Variants in SGPP2 observed in about 807,000 individuals in gnomAD.
SGPP2 encodes sphingosine 1-phosphate phosphohydrolase 2.
In SGPP2, 30 loss-of-function variants were observed where a neutral mutation model predicts 33.9. The observed-to-expected ratio is 0.89, with a 90% CI of 0.66 to 1.20. The LOEUF (loss-of-function observed/expected upper bound fraction) is 1.20, where lower values mean the gene tolerates loss of function less well. Ranked by LOEUF, SGPP2 falls within the 50% of genes most tolerant of loss-of-function variation. The pLI is 0.00. For synonymous variants in SGPP2, 233 were observed against 225.0 expected (o/e 1.04, Z -0.32); for missense variants, 458 against 532.1 (o/e 0.86, Z 1.37).
At chr2:222,493,311 G>T (rs1283926320) in intron 2 of SGPP2, among the ~76,000 whole-genome samples, 2 of 152,196 alleles carry the variant, frequency 1.3e-5, no homozygotes, top group Non-Finnish European at 2.9e-5. Context: ...TTACAAGGTG[G>T]CAGGTGAGAG....
chr2:222,519,271 A>G (rs952724507), intron 2 of SGPP2, among the ~76,000 whole-genome samples: 6 of 152,144 alleles, frequency 3.9e-5, no homozygotes, highest in Admixed American at 1.3e-4. Context: ...GAAAATAGAG[A>G]TTCTAATTTA....
At chr2:222,510,110 A>G (rs779269418) in intron 2 of SGPP2, among the ~76,000 whole-genome samples, 12 of 152,358 alleles carry the variant, frequency 7.9e-5, no homozygotes, top group Admixed American at 1.3e-4. Context: ...TTATCTGCCT[A>G]TCAGTCGATG....
Position 222,560,409 on chromosome 2 carries a change from T to G in SGPP2, c.*1511T>G, listed in dbSNP as rs1259724126. ...AGGGGAATTAATGCAAGAACAACTT[T>G]AGTGTCTCTTGGGAAAACAAGCCAA... On this transcript the variant is annotated 3_prime_UTR_variant, in exon 5 of 5. Coordinates refer to ENST00000321276, the MANE Select transcript of SGPP2 (RefSeq NM_152386.4). 1 of 152,256 alleles carries G rather than the reference T, an allele frequency of 6.6e-6. No individual in the cohort carries two copies. The highest frequency in any genetic ancestry group is 2.4e-5 in the African/African-American group (1 of 41,472). 9.4% of individuals were successfully genotyped at this position (152,256 alleles called of 1,614,324 possible).
chr2:222,435,069 CAT>C (rs1168705097), intron 1 of SGPP2, among the ~76,000 whole-genome samples: 3 of 37,212 alleles, frequency 8.1e-5, no homozygotes, highest in South Asian at 1.7e-3. Context: ...TACACATATA[CAT>C]ATATATATAC....
Position 222,460,680 on chromosome 2 carries a change from C to G in SGPP2, c.220-13888C>G, listed in dbSNP as rs564464845. The stretch of plus-strand genomic sequence containing the variant: ...CTGGCTTTGGCCTCCACTTCTAGCT[C>G]TGCTGCCTACGACTCCCTTTACAAA... On this transcript the variant is annotated intron_variant, in intron 1 of 4. Transcript: ENST00000321276. This position sits in a 1 kb window ranked among gnomAD's most constrained non-coding sequence, Gnocchi z 4.3. Among the ~76,000 whole-genome samples the G allele has an allele frequency of 1.3e-5, 2 of 152,176 alleles. No homozygotes were observed. Among genetic ancestry groups the G allele is most frequent in the Admixed American group, 6.5e-5 (1 of 15,274 alleles).
At chr2:222,437,890 G>A (rs1697268680) in intron 1 of SGPP2, among the ~76,000 whole-genome samples, 1 of 152,090 alleles carries the variant, frequency 6.6e-6, no homozygotes, top group Admixed American at 6.5e-5. Context: ...TCACCTATGG[G>A]GTCCTACCAA....
intron 1 of SGPP2, among the ~76,000 whole-genome samples, chr2:222,459,516 G>C (rs1697626558): frequency 6.6e-6 from 1 of 152,028 alleles, no homozygotes; most frequent in African/African-American, 2.4e-5. Flanking sequence ...AACCAAAGCA[G>C]CCTCCATTTC....
chr2:222,490,169 G>A (rs36099214), intron 2 of SGPP2, among the ~76,000 whole-genome samples: 67,585 of 151,816 alleles, frequency 0.45, 16,311 homozygotes, highest in Middle Eastern at 0.64. Flanking sequence ...TTTTTATGTA[G>A]AAGATACAAA....
Position 222,424,593 on chromosome 2 carries a change from C to T in SGPP2, c.-10C>T, listed in dbSNP as rs1175025017. ...TGGCAGCGGCGGCGGAGCGCGGCCC[C>T]GGGCACACCATGGCCGAGCTGCTGC... On this transcript the variant is annotated 5_prime_UTR_variant, in exon 1 of 5. Transcript: ENST00000321276. The T allele has an allele frequency of 4.7e-6, 6 of 1,267,566 alleles. No homozygotes were observed. The highest frequency in any genetic ancestry group is 3.1e-5 in the African/African-American group (2 of 64,522). 78.5% of individuals were successfully genotyped at this position (1,267,566 alleles called of 1,614,324 possible). A position where few individuals can be genotyped will look rare whatever the true frequency, so the allele number is the denominator to read the frequency against.
chr2:222,508,913 C>G (rs1414809080), intron 2 of SGPP2, among the ~76,000 whole-genome samples: 1 of 152,052 alleles, frequency 6.6e-6, no homozygotes, highest in Non-Finnish European at 1.5e-5. Flanking sequence ...CACACACACA[C>G]ATCACATCCA....
intron 1 of SGPP2, among the ~76,000 whole-genome samples, chr2:222,425,120 T>C (rs1041186577): frequency 5.9e-5 from 9 of 152,234 alleles, no homozygotes; most frequent in Non-Finnish European, 8.8e-5. Flanking sequence ...CCAGCAAATA[T>C]GTAAGAGTTA....
intron 4 of SGPP2, among the ~76,000 whole-genome samples, chr2:222,535,079 G>A (rs1415356331): frequency 6.6e-6 from 1 of 152,058 alleles, no homozygotes; most frequent in Admixed American, 6.5e-5. Flanking sequence ...CACAGTGGGG[G>A]CGCAGTGGCT....
chr2:222,549,883 CT>C (rs751034613), intron 4 of SGPP2, among the ~76,000 whole-genome samples: 239 of 137,526 alleles, frequency 1.7e-3, no homozygotes, highest in Non-Finnish European at 1.6e-3. Flanking sequence ...CTTTTCTTTT[CT>C]TTTTTTTTTT....
chr2:222,451,359 G>A (rs1037000070), intron 1 of SGPP2, among the ~76,000 whole-genome samples: 3 of 152,216 alleles, frequency 2.0e-5, no homozygotes, highest in Non-Finnish European at 4.4e-5. Context: ...CATTGATGGC[G>A]AATACTTTGA....
intron 1 of SGPP2, chr2:222,452,580 C>G: frequency 7.9e-7 from 1 of 1,260,000 alleles, no homozygotes; most frequent in African/African-American, 1.5e-5. Flanking sequence ...TTCCTCTCCA[C>G]AGTTATAGAA....
intron 4 of SGPP2, among the ~76,000 whole-genome samples, chr2:222,526,250 C>A (rs950762771): frequency 2.0e-5 from 3 of 152,096 alleles, no homozygotes; most frequent in African/African-American, 7.2e-5. Context: ...AAGATTTGAC[C>A]CTGTATTTGC....
At chr2:222,426,680 G>T (rs1192360255) in intron 1 of SGPP2, among the ~76,000 whole-genome samples, 1 of 152,186 alleles carries the variant, frequency 6.6e-6, no homozygotes, top group Non-Finnish European at 1.5e-5. Flanking sequence ...CATTGTGTTG[G>T]TATATAATGG....
At chr2:222,436,757 G>T (rs1697247656) in intron 1 of SGPP2, among the ~76,000 whole-genome samples, 1 of 152,224 alleles carries the variant, frequency 6.6e-6, no homozygotes, top group East Asian at 1.9e-4. Context: ...GTCTATTCCA[G>T]TGAGGACAAA....
At chr2:222,424,953 C>T in intron 1 of SGPP2, 132 bp downstream of exon 1, 2 of 724,094 alleles carry the variant, frequency 2.8e-6, no homozygotes, top group Non-Finnish European at 3.8e-6. Flanking sequence ...GCTCCCGCCG[C>T]TGCGAGCGGA....
Sources: gnomAD v4.1 joint callset for allele counts (sites outside exome capture counted in the v4.1 genomes callset) on GRCh38, gnomAD v4.1.1 for gene constraint, Gnocchi (gnomAD v3.1) non-coding constraint, MANE v1.5 for transcripts, NCBI Gene and HGNC (gene_info 2026-07-23, HGNC 2026-07-21) for gene names.